Variants in HMCN2 observed in about 807,000 individuals in gnomAD.
HMCN2 encodes the protein hemicentin 2.
HMCN2 carries 325 observed loss-of-function variants against 377.5 expected under a neutral mutation model. That is an observed-to-expected ratio of 0.86 (90% CI 0.79 to 0.94). The LOEUF is 0.94. Ranked by LOEUF, HMCN2 falls within the 40% of genes least tolerant of loss-of-function variation. The probability of loss-of-function intolerance (pLI) is 0.00; values close to 1 mark genes in which losing one functional copy is unlikely to be tolerated. For missense variants in HMCN2, 4,543 were observed against 4,725.3 expected (o/e 0.96, Z 1.13); for synonymous variants, 2,007 against 2,046.8 (o/e 0.98, Z 0.53).
rs1843357547 is a variant in HMCN2, at chr9:130,410,602, C to A, written c.12911C>A (p.Ala4304Glu). 5.2e-6 allele frequency: 8 copies of A among 1,550,474 alleles called. No homozygotes were observed. Among genetic ancestry groups the A allele is most frequent in the African/African-American group, 1.4e-5 (1 of 73,036 alleles). The stretch of plus-strand genomic sequence containing the variant: ...GATGCGGGACGGTACCAGTGCCTGG[C>A]AGAGAATGAGATGGGCGTGGCGAAG... ...RDDAGRYQCLAENEMGVAKKV... is the reference protein window; with the variant it reads ...RDDAGRYQCLEENEMGVAKKV... The change falls in exon 85 of 98, where the codon GCA becomes GAA. Residue 4304 changes from alanine to glutamate, a missense_variant. By Grantham distance (107) the Ala-to-Glu change is moderately radical. Around this residue, in one of 5 missense-constraint regions of HMCN2, gnomAD observed 1,155 missense variants for 1,157.7 expected, o/e 1.00. Transcript: ENST00000683500.
intron 1 of HMCN2, among the ~76,000 whole-genome samples, chr9:130,270,749 C>A (rs1374370433): frequency 6.7e-6 from 1 of 148,704 alleles, no homozygotes; most frequent in Non-Finnish European, 1.5e-5. Flanking sequence ...CCACACCTGG[C>A]TAACTTTTTG....
At position 130,386,441 on chromosome 9, in the gene HMCN2, A is replaced by T. The variant is rs1564841728; in HGVS notation, c.9310-2A>T. 1 of 1,302,788 alleles carries T rather than the reference A, an allele frequency of 7.7e-7. No individual in the cohort carries two copies. The highest frequency in any genetic ancestry group is 1.0e-6 in the Non-Finnish European group (1 of 988,322). The allele number at this position is 1,302,788 out of a possible 1,614,324, so 80.7% of individuals were successfully genotyped here. On this transcript the variant is annotated splice_acceptor_variant, in intron 60 of 97. Coordinates refer to ENST00000683500, the MANE Select transcript of HMCN2 (RefSeq NM_001291815.2). LOFTEE classifies it high-confidence loss of function. ...AGCCACTGTGTGCTCTTCCTCTTTCAGGTATCGGATAAAGGTTTATACAGC... is the reference window on the plus strand; with the variant it reads ...AGCCACTGTGTGCTCTTCCTCTTTCTGGTATCGGATAAAGGTTTATACAGC...
At chr9:130,362,210 C>G in intron 39 of HMCN2, 45 bp downstream of exon 39, 1 of 979,860 alleles carries the variant, frequency 1.0e-6, no homozygotes, top group Non-Finnish European at 1.2e-6. Context: ...CTGCACCTCC[C>G]GTAGATGCTG....
intron 89 of HMCN2, 72 bp downstream of exon 89, chr9:130,425,202 C>T: frequency 1.4e-6 from 2 of 1,445,910 alleles, no homozygotes. Flanking sequence ...TCTCAACCAC[C>T]CCTGAGCAGC....
intron 73 of HMCN2, 79 bp downstream of exon 73, chr9:130,396,392 A>G: frequency 8.6e-7 from 1 of 1,157,572 alleles, no homozygotes; most frequent in Non-Finnish European, 1.1e-6. Context: ...CACTTGGGCA[A>G]TTGGAGCAGA....
chr9:130,355,006 C>G lies in HMCN2; in HGVS notation c.5108C>G (p.Ala1703Gly). The change falls in exon 32 of 98, where the codon GCC becomes GGC. Residue 1703 changes from alanine (A) to glycine (G), a missense_variant. This residue lies in a region of HMCN2 where 1,032 missense variants were observed against 1,285.1 expected (regional missense o/e 0.80). Coordinates refer to ENST00000683500, the MANE Select transcript of HMCN2 (RefSeq NM_001291815.2). Reference protein sequence around the residue: ...GLYSCVASSPAGEAVLQYSVE... With the variant: ...GLYSCVASSPGGEAVLQYSVE... ...TACAGCTGTGTGGCCAGCAGTCCTG[C>G]CGGGGAAGCCGTCCTGCAGTACTCC... 7.7e-7 allele frequency: 1 copy of G among 1,293,088 alleles called. No homozygotes were observed. Among genetic ancestry groups the G allele is most frequent in the Non-Finnish European group, 1.0e-6 (1 of 988,304 alleles). 80.1% of individuals were successfully genotyped at this position (1,293,088 alleles called of 1,614,324 possible).
At position 130,433,071 on chromosome 9, in the gene HMCN2, TG is replaced by T. The variant is rs1844860126; in HGVS notation, c.14895-276del. On this transcript the variant is annotated intron_variant, in intron 97 of 97. Coordinates refer to ENST00000683500, the MANE Select transcript of HMCN2 (RefSeq NM_001291815.2). ...TTGGCCCAGGGGCACATCGCTCCCC[TG>T]TGTCTGCTGGGCTTCCCTGGGGCAT... is the stretch of plus-strand genomic sequence containing the variant. The T allele has an allele frequency of 2.0e-5, 9 of 446,868 alleles. No homozygotes were observed. The Admixed American group carries it at 2.5e-4, about 12-fold the overall frequency. 27.7% of individuals were successfully genotyped at this position (446,868 alleles called of 1,614,324 possible).
chr9:130,418,507 A>G (rs1249621021), intron 85 of HMCN2, among the ~76,000 whole-genome samples: 1 of 152,164 alleles, frequency 6.6e-6, no homozygotes, highest in Non-Finnish European at 1.5e-5. Flanking sequence ...AGATCGCACC[A>G]CTGCACTCCA....
At chr9:130,293,861 G>A (rs527631303) in intron 4 of HMCN2, among the ~76,000 whole-genome samples, 7 of 152,182 alleles carry the variant, frequency 4.6e-5, no homozygotes, top group Non-Finnish European at 8.8e-5. Flanking sequence ...ATGTATCAGG[G>A]AACAGAGCCT....
At chr9:130,287,989 T>C (rs1835511152) in intron 4 of HMCN2, among the ~76,000 whole-genome samples, 1 of 152,226 alleles carries the variant, frequency 6.6e-6, no homozygotes, top group African/African-American at 2.4e-5. Context: ...TATGGTTCTC[T>C]GCGACACTTT....
intron 3 of HMCN2, among the ~76,000 whole-genome samples, chr9:130,285,910 G>A (rs1014034841): frequency 1.3e-5 from 2 of 152,140 alleles, no homozygotes; most frequent in African/African-American, 4.8e-5. Context: ...CGACTTCCAC[G>A]CTCGTCTTTA....
In HMCN2 at chr9:130,285,224, G is replaced by A. The variant is rs576149647; in HGVS notation, c.397G>A (p.Gly133Arg). The change falls in exon 3 of 98, where the codon GGA becomes AGA. Residue 133 changes from glycine to arginine, a missense_variant. Transcript: ENST00000683500. ...IKAAVEVANP[G>R]SFIYVFSDAR... is the part of the protein sequence containing the mutation. ...GGCTGCCGTGGAGGTTGCCAACCCC[G>A]GATCCTTCATCTACGTCTTTTCGGA... The A allele has an allele frequency of 1.1e-5, 5 of 471,122 alleles. No individual in the cohort carries two copies. The highest frequency in any genetic ancestry group is 4.0e-5 in the African/African-American group (2 of 50,180). 29.2% of individuals were successfully genotyped at this position (471,122 alleles called of 1,614,324 possible).
intron 4 of HMCN2, among the ~76,000 whole-genome samples, chr9:130,293,118 A>G (rs1285847204): frequency 2.0e-5 from 3 of 151,836 alleles, no homozygotes; most frequent in Non-Finnish European, 4.4e-5. Flanking sequence ...AGCTCATTTG[A>G]TTTGATACTT....
chr9:130,386,332 A>G, intron 60 of HMCN2, 111 bp from the exon 61 acceptor site: 1 of 484,574 alleles, frequency 2.1e-6, no homozygotes, highest in South Asian at 2.0e-5. Context: ...GGACCAGCAT[A>G]TTTGGGAGGC....
At chr9:130,363,554 G>C (rs1414382954) in intron 40 of HMCN2, among the ~76,000 whole-genome samples, 3 of 152,172 alleles carry the variant, frequency 2.0e-5, no homozygotes, top group African/African-American at 4.8e-5. Flanking sequence ...GGGCATGGTG[G>C]CTCACGCCTG....
intron 6 of HMCN2, 147 bp downstream of exon 6, chr9:130,295,919 G>A (rs1836123274): frequency 5.5e-6 from 2 of 363,448 alleles, no homozygotes; most frequent in Admixed American, 3.5e-5. Flanking sequence ...TAGAAGTAAC[G>A]GGTCAAGGAC....
chr9:130,388,677 C>A (rs952007836), intron 62 of HMCN2, 137 bp downstream of exon 62: 5 of 377,980 alleles, frequency 1.3e-5, no homozygotes, highest in South Asian at 1.1e-4. Context: ...GTGTTGCCCC[C>A]CCCCCCACCA....
intron 1 of HMCN2, among the ~76,000 whole-genome samples, chr9:130,270,966 G>A (rs1210439310): frequency 2.0e-5 from 3 of 148,954 alleles, no homozygotes; most frequent in African/African-American, 7.3e-5. Flanking sequence ...CTCAGGTTGT[G>A]AGTTTCTCAG....
At chr9:130,368,747 A>C (rs1347432270) in intron 44 of HMCN2, among the ~76,000 whole-genome samples, 4 of 150,956 alleles carry the variant, frequency 2.6e-5, no homozygotes, top group African/African-American at 7.3e-5. Context: ...GGAGAGAGAG[A>C]GAGCCAGGGG....
Sources: gnomAD v4.1 joint callset for allele counts (sites outside exome capture counted in the v4.1 genomes callset) on GRCh38, gnomAD v4.1.1 for gene constraint, gnomAD v4.1.1 regional missense constraint, MANE v1.5 for transcripts, NCBI Gene and HGNC (gene_info 2026-07-23, HGNC 2026-07-21) for gene names.